MCUB: variants seen among roughly 807,000 people sequenced by gnomAD.
MCUB encodes the protein calcium uniporter regulatory subunit MCUb, mitochondrial.
MCUB carries 46 observed loss-of-function variants against 41.4 expected under a neutral mutation model. That is an observed-to-expected ratio of 1.11 (90% CI 0.88 to 1.42). The LOEUF (loss-of-function observed/expected upper bound fraction) is 1.42, where lower values mean the gene tolerates loss of function less well. Ranked by LOEUF, MCUB falls within the 40% of genes most tolerant of loss-of-function variation. The pLI, the probability that MCUB is intolerant of heterozygous loss-of-function variation, is 0.00. For synonymous variants in MCUB, 148 were observed against 148.2 expected, an observed-to-expected ratio of 1.00 and a Z score of 0.01; for missense variants, 403 against 404.9, an observed-to-expected ratio of 1.00 and a Z score of 0.04.
At chr4:109,687,012 A>G (rs189076063) in intron 7 of MCUB, among the ~76,000 whole-genome samples, 23 of 151,102 alleles carry the variant, frequency 1.5e-4, no homozygotes, top group African/African-American at 5.7e-4. Context: ...AAGGGTATAA[A>G]CTGTATTTTT....
chr4:109,569,575 C>T (rs1288627514), intron 1 of MCUB, among the ~76,000 whole-genome samples: 1 of 127,780 alleles, frequency 7.8e-6, no homozygotes, highest in African/African-American at 3.1e-5. Flanking sequence ...GCGATTTTGG[C>T]TTACTGCACC....
chr4:109,658,563 C>T (rs1254063105), intron 1 of MCUB, among the ~76,000 whole-genome samples: 1 of 152,174 alleles, frequency 6.6e-6, no homozygotes, highest in Non-Finnish European at 1.5e-5. Flanking sequence ...TCCCAAAGTC[C>T]TGGAATTACA....
At chr4:109,637,205 A>G (rs1394832232) in intron 1 of MCUB, among the ~76,000 whole-genome samples, 1 of 152,216 alleles carries the variant, frequency 6.6e-6, no homozygotes, top group Non-Finnish European at 1.5e-5. Flanking sequence ...GGAAGGAGAT[A>G]TGATCCCAAG....
At chr4:109,684,836 C>T (rs1310529332) in intron 6 of MCUB, 190 bp downstream of exon 6, 2 of 504,496 alleles carry the variant, frequency 4.0e-6, no homozygotes, top group Non-Finnish European at 6.9e-6. Flanking sequence ...TATATAACTT[C>T]TTTGGAGAAG....
At chr4:109,568,012 T>A (rs1490580854) in intron 1 of MCUB, among the ~76,000 whole-genome samples, 4 of 152,156 alleles carry the variant, frequency 2.6e-5, no homozygotes, top group African/African-American at 7.2e-5. Flanking sequence ...ACAGGGGATT[T>A]AAAAAGTTAT....
Position 109,687,640 on chromosome 4 carries a change from G to T in MCUB, c.*48G>T. ...AGATTTTCCATTATGTATTGATTTT[G>T]CAACTTAGGATGTTTTTGAGTCCCA... is the stretch of plus-strand genomic sequence containing the variant. On this transcript the variant is annotated 3_prime_UTR_variant, in exon 8 of 8. Transcript: ENST00000394650. 8.0e-7 allele frequency: 1 copy of T among 1,248,528 alleles called. No individual in the cohort carries two copies. Among genetic ancestry groups the T allele is most frequent in the South Asian group, 1.3e-5 (1 of 79,200 alleles). 77.3% of individuals were successfully genotyped at this position (1,248,528 alleles called of 1,614,324 possible). A position where few individuals can be genotyped will look rare whatever the true frequency, so the allele number is the denominator to read the frequency against.
At chr4:109,640,360 C>G (rs1173544936) in intron 1 of MCUB, among the ~76,000 whole-genome samples, 1 of 152,192 alleles carries the variant, frequency 6.6e-6, no homozygotes, top group Non-Finnish European at 1.5e-5. Flanking sequence ...AGCTTGGGCT[C>G]AGAGGCCTGA....
At chr4:109,583,189 C>A (rs752165787) in intron 1 of MCUB, among the ~76,000 whole-genome samples, 5 of 152,118 alleles carry the variant, frequency 3.3e-5, no homozygotes, top group Non-Finnish European at 7.4e-5. Context: ...TTCTTCCTAT[C>A]CATGGGCATG....
At chr4:109,662,748 G>T (rs941970528) in intron 3 of MCUB, among the ~76,000 whole-genome samples, 1 of 151,984 alleles carries the variant, frequency 6.6e-6, no homozygotes. Context: ...TTAAGGAGCT[G>T]GTTTGAAGTC....
intron 4 of MCUB, among the ~76,000 whole-genome samples, chr4:109,680,781 C>A (rs1398680663): frequency 1.3e-5 from 2 of 152,190 alleles, no homozygotes; most frequent in Admixed American, 1.3e-4. Flanking sequence ...AGACATATGT[C>A]TCTCTTGTCT....
At chr4:109,643,834 A>T (rs1728772641) in intron 1 of MCUB, among the ~76,000 whole-genome samples, 1 of 152,230 alleles carries the variant, frequency 6.6e-6, no homozygotes, top group Non-Finnish European at 1.5e-5. Context: ...TTTTTAAGCC[A>T]TCCAGTCTGT....
At chr4:109,565,838 CTTTT>C (rs34317769) in intron 1 of MCUB, among the ~76,000 whole-genome samples, 10 of 134,898 alleles carry the variant, frequency 7.4e-5, no homozygotes, top group African/African-American at 8.2e-5. Context: ...ATTTTCATTT[CTTTT>C]TTTTTTTTTT....
intron 1 of MCUB, among the ~76,000 whole-genome samples, chr4:109,604,742 CA>C (rs1339651770): frequency 6.6e-6 from 1 of 152,168 alleles, no homozygotes; most frequent in Non-Finnish European, 1.5e-5. Context: ...TGAATTTTAT[CA>C]AGTGCTTTTT....
At chr4:109,606,791 G>T (rs1441613406) in intron 1 of MCUB, among the ~76,000 whole-genome samples, 1 of 152,180 alleles carries the variant, frequency 6.6e-6, no homozygotes, top group Non-Finnish European at 1.5e-5. Flanking sequence ...TTTTCATCCA[G>T]GCTGGAGTGC....
intron 1 of MCUB, among the ~76,000 whole-genome samples, chr4:109,563,896 T>C (rs1726699969): frequency 6.6e-6 from 1 of 151,716 alleles, no homozygotes; most frequent in African/African-American, 2.4e-5. Flanking sequence ...CCACAGCACT[T>C]CTTAAAAAAA....
intron 1 of MCUB, among the ~76,000 whole-genome samples, chr4:109,581,698 C>T (rs535419932): frequency 9.3e-4 from 142 of 152,114 alleles, no homozygotes; most frequent in Admixed American, 1.6e-3. Flanking sequence ...AAAAAACAAC[C>T]CCATCAAAAA....
intron 1 of MCUB, among the ~76,000 whole-genome samples, chr4:109,618,715 T>C (rs2126135092): frequency 6.6e-6 from 1 of 152,324 alleles, no homozygotes; most frequent in South Asian, 2.1e-4. Context: ...AAATATCATA[T>C]GACCTAACTG....
intron 3 of MCUB, among the ~76,000 whole-genome samples, chr4:109,661,436 G>A (rs935642725): frequency 3.3e-5 from 5 of 152,138 alleles, no homozygotes; most frequent in Non-Finnish European, 5.9e-5. Flanking sequence ...AGATAGAGAA[G>A]TTGGAAAATG....
chr4:109,675,490 T>G (rs1729552494), intron 4 of MCUB, among the ~76,000 whole-genome samples: 1 of 152,238 alleles, frequency 6.6e-6, no homozygotes, highest in Non-Finnish European at 1.5e-5. Flanking sequence ...ATGACAACTC[T>G]GGTTCTTTTA....
Sources: allele counts gnomAD v4.1 joint callset (sites outside exome capture counted in the v4.1 genomes callset), GRCh38; gene constraint gnomAD v4.1.1; transcripts MANE v1.5; gene names NCBI Gene and HGNC (gene_info 2026-07-23, HGNC 2026-07-21).